FAM107B: variants seen among roughly 807,000 people sequenced by gnomAD.
FAM107B encodes family with sequence similarity 107 member B, also known as protein FAM107B.
A neutral mutation model predicts 31.5 loss-of-function variants in FAM107B; 21 were observed. The ratio of observed to expected loss-of-function variants is 0.67; its 90% CI spans 0.47 to 0.96. FAM107B has a LOEUF of 0.96. Among genes scored for constraint, FAM107B ranks in the 40% least tolerant of loss-of-function variants. FAM107B has a pLI of 0.00. For missense variants in FAM107B, 452 were observed against 377.1 expected (o/e 1.20, Z -1.64); for synonymous variants, 157 against 141.5 (o/e 1.11, Z -0.78).
chr10:14,766,275 C>G (rs781560102), intron 1 of FAM107B, among the ~76,000 whole-genome samples: 1 of 152,014 alleles, frequency 6.6e-6, no homozygotes, highest in East Asian at 1.9e-4. Context: ...AAAGACTGTG[C>G]CAAGAAAAGA....
intron 3 of FAM107B, among the ~76,000 whole-genome samples, chr10:14,522,731 T>C (rs1845797761): frequency 6.6e-6 from 1 of 152,152 alleles, no homozygotes; most frequent in Non-Finnish European, 1.5e-5. Context: ...CCTGATCTTA[T>C]GCACTAAATG....
intron 2 of FAM107B, among the ~76,000 whole-genome samples, chr10:14,631,207 T>C (rs1207250362): frequency 1.3e-5 from 2 of 152,182 alleles, no homozygotes; most frequent in Admixed American, 1.3e-4. Context: ...TGGCTGGGCC[T>C]GGGCAGCATC....
At chr10:14,710,978 TCTCAGCTCACTGCAAC>T (rs58636685) in intron 1 of FAM107B, among the ~76,000 whole-genome samples, 9,958 of 152,106 alleles carry the variant, frequency 0.065, 652 homozygotes, top group African/African-American at 0.17. Flanking sequence ...AGTGGCGAGA[TCTCAGCTCACTGCAAC>T]CTCTGCCTCA....
intron 1 of FAM107B, among the ~76,000 whole-genome samples, chr10:14,757,398 GC>G (rs1048720126): frequency 2.7e-5 from 4 of 150,896 alleles, no homozygotes; most frequent in Non-Finnish European, 5.9e-5. Context: ...TGTTGGACTT[GC>G]CGGCCCCTAT....
At chr10:14,668,590 ATAAAT>A (rs1330109628) in intron 1 of FAM107B, among the ~76,000 whole-genome samples, 1 of 152,214 alleles carries the variant, frequency 6.6e-6, no homozygotes, top group Non-Finnish European at 1.5e-5. Context: ...AATGAGGGAG[ATAAAT>A]TAAGAGGAAT....
At chr10:14,528,177 T>G (rs754090626) in intron 3 of FAM107B, 120 of 116,532 alleles carry the variant, frequency 1.0e-3, no homozygotes, top group Admixed American at 1.8e-3. Flanking sequence ...AGTTTTGGTT[T>G]TTTTTTTTTT....
intron 2 of FAM107B, among the ~76,000 whole-genome samples, chr10:14,627,974 G>C (rs1366790666): frequency 1.3e-5 from 2 of 152,068 alleles, no homozygotes; most frequent in Non-Finnish European, 2.9e-5. Context: ...AGAAGACACA[G>C]ACTTGGAGTC....
intron 1 of FAM107B, among the ~76,000 whole-genome samples, chr10:14,728,170 T>C: frequency 6.6e-6 from 1 of 152,200 alleles, no homozygotes; most frequent in East Asian, 1.9e-4. Context: ...AGCCATGACT[T>C]GGATCATTAT....
chr10:14,713,214 A>C (rs527919287), intron 1 of FAM107B, among the ~76,000 whole-genome samples: 3 of 152,230 alleles, frequency 2.0e-5, no homozygotes, highest in Non-Finnish European at 4.4e-5. Context: ...AAAAGCCTCC[A>C]TACTGTTCGT....
At chr10:14,575,071 T>C (rs967752647) in intron 2 of FAM107B, among the ~76,000 whole-genome samples, 1 of 152,216 alleles carries the variant, frequency 6.6e-6, no homozygotes, top group African/African-American at 2.4e-5. Flanking sequence ...GTTATCTGTA[T>C]GAGTCAATAA....
intron 2 of FAM107B, among the ~76,000 whole-genome samples, chr10:14,603,812 G>C (rs764834848): frequency 6.3e-4 from 96 of 151,972 alleles, no homozygotes; most frequent in Non-Finnish European, 1.0e-3. Flanking sequence ...CCTGGCGGGG[G>C]CTGGCGTCGG....
At chr10:14,689,583 G>C (rs76800296) in intron 1 of FAM107B, among the ~76,000 whole-genome samples, 1,633 of 152,208 alleles carry the variant, frequency 0.011, 24 homozygotes, top group African/African-American at 0.034. Flanking sequence ...ATGCCAGTTA[G>C]GTGGAGGTGG....
chr10:14,746,434 C>CT (rs1204332561), intron 1 of FAM107B, among the ~76,000 whole-genome samples: 1 of 152,086 alleles, frequency 6.6e-6, no homozygotes. Flanking sequence ...GCTAGTAATG[C>CT]TTTTTCCTTT....
chr10:14,596,218 C>T (rs1852184355), intron 2 of FAM107B, among the ~76,000 whole-genome samples: 1 of 151,144 alleles, frequency 6.6e-6, no homozygotes, highest in South Asian at 2.1e-4. Flanking sequence ...TCGGAGGAGC[C>T]TCATCCTAAT....
chr10:14,754,517 T>C (rs12355520), intron 1 of FAM107B, among the ~76,000 whole-genome samples: 34,317 of 152,168 alleles, frequency 0.23, 5,690 homozygotes, highest in African/African-American at 0.47. Flanking sequence ...CATCTCTCTC[T>C]TCCAGCTGAA....
chr10:14,572,382 C>T, intron 2 of FAM107B: 1 of 985,384 alleles, frequency 1.0e-6, no homozygotes, highest in Non-Finnish European at 1.2e-6. Context: ...CTGCAGGAAG[C>T]ATGCGTGAGT....
chr10:14,597,975 C>T (rs1852242213), intron 2 of FAM107B, among the ~76,000 whole-genome samples: 1 of 151,960 alleles, frequency 6.6e-6, no homozygotes, highest in Non-Finnish European at 1.5e-5. Context: ...TAAAAAAAAA[C>T]TCCGAGTTGA....
chr10:14,525,005 A>C (rs1024354290), intron 3 of FAM107B, among the ~76,000 whole-genome samples: 2 of 152,232 alleles, frequency 1.3e-5, no homozygotes, highest in African/African-American at 4.8e-5. Flanking sequence ...AATGGTGCTT[A>C]TATGATAAAT....
chr10:14,699,138 T>A (rs1171611156), intron 1 of FAM107B, among the ~76,000 whole-genome samples: 1 of 152,118 alleles, frequency 6.6e-6, no homozygotes, highest in Non-Finnish European at 1.5e-5. Flanking sequence ...AGTAACAGGT[T>A]CTGGTTGTAG....
Sources: allele counts gnomAD v4.1 joint callset (sites outside exome capture counted in the v4.1 genomes callset), GRCh38; gene constraint gnomAD v4.1.1; transcripts MANE v1.5; gene names NCBI Gene and HGNC (gene_info 2026-07-23, HGNC 2026-07-21).